Variants in GLI2 observed in about 807,000 individuals in gnomAD.
GLI2 encodes GLI family zinc finger 2.
GLI2 carries 22 observed loss-of-function variants against 78.9 expected under a neutral mutation model. That is an observed-to-expected ratio of 0.28 (90% CI 0.20 to 0.40). The LOEUF (loss-of-function observed/expected upper bound fraction) is 0.40, where lower values mean the gene tolerates loss of function less well. GLI2 is among the 10% of genes least tolerant of loss of function. The pLI is 1.00. For synonymous variants in GLI2, 974 were observed against 963.7 expected (o/e 1.01, Z -0.20); for missense variants, 2,097 against 2,213.2 (o/e 0.95, Z 1.05).
chr2:120,805,730 T>C (rs1235189654), intron 2 of GLI2, among the ~76,000 whole-genome samples: 1 of 152,246 alleles, frequency 6.6e-6, no homozygotes, highest in Non-Finnish European at 1.5e-5. Context: ...AAACCCCAAC[T>C]TCCCAAGTGA....
At chr2:120,956,945 C>A (rs1234063888) in intron 5 of GLI2, among the ~76,000 whole-genome samples, 1 of 152,200 alleles carries the variant, frequency 6.6e-6, no homozygotes, top group Admixed American at 6.5e-5. Flanking sequence ...TCCAGGAAGT[C>A]TCTCTGGAAG....
At chr2:120,744,107 G>A (rs964138056) in intron 1 of GLI2, among the ~76,000 whole-genome samples, 1 of 152,240 alleles carries the variant, frequency 6.6e-6, no homozygotes, top group Non-Finnish European at 1.5e-5. Flanking sequence ...CTGAAGATCA[G>A]TGAAGGAAGG....
intron 1 of GLI2, among the ~76,000 whole-genome samples, chr2:120,789,059 G>A (rs1374282224): frequency 7.1e-6 from 1 of 141,048 alleles, no homozygotes; most frequent in African/African-American, 2.8e-5. Context: ...TTGAGACGGA[G>A]TCTCACTCTG....
chr2:120,784,817 G>T (rs980641413), intron 1 of GLI2, among the ~76,000 whole-genome samples: 1 of 152,136 alleles, frequency 6.6e-6, no homozygotes, highest in Non-Finnish European at 1.5e-5. Flanking sequence ...TAGCAAGACT[G>T]GTAGCCCCCC....
chr2:120,962,526 C>A (rs2104991177), intron 5 of GLI2, among the ~76,000 whole-genome samples: 1 of 152,284 alleles, frequency 6.6e-6, no homozygotes, highest in African/African-American at 2.4e-5. Context: ...GTGGGTGAAG[C>A]AAGGTCCAGA....
At chr2:120,940,596 A>G (rs944788447) in intron 3 of GLI2, among the ~76,000 whole-genome samples, 2 of 152,158 alleles carry the variant, frequency 1.3e-5, no homozygotes, top group Non-Finnish European at 2.9e-5. Context: ...TTAGAAGGCT[A>G]TAGTCAGTGT....
At chr2:120,891,805 A>G (rs1161380396) in intron 2 of GLI2, among the ~76,000 whole-genome samples, 3 of 152,196 alleles carry the variant, frequency 2.0e-5, no homozygotes, top group African/African-American at 7.2e-5. Flanking sequence ...CCACTGAAAA[A>G]GCAGCAGAGA....
At chr2:120,912,274 G>GT (rs564285080) in intron 2 of GLI2, among the ~76,000 whole-genome samples, 14,328 of 136,846 alleles carry the variant, frequency 0.1, 1,037 homozygotes, top group African/African-American at 0.2. Context: ...TTTGCAAGAG[G>GT]TTTTTTTTTT....
At chr2:120,827,894 G>A (rs2104762035) in intron 2 of GLI2, among the ~76,000 whole-genome samples, 1 of 152,322 alleles carries the variant, frequency 6.6e-6, no homozygotes, top group South Asian at 2.1e-4. Context: ...GGAGTGAGGA[G>A]TTCATGTTGA....
chr2:120,772,469 A>C (rs772855262), intron 1 of GLI2, among the ~76,000 whole-genome samples: 2 of 152,194 alleles, frequency 1.3e-5, no homozygotes, highest in Non-Finnish European at 2.9e-5. Context: ...GCCAGGGAGC[A>C]CACCAGCATC....
chr2:120,966,474 C>T (rs1047005299), intron 5 of GLI2, among the ~76,000 whole-genome samples: 1 of 152,198 alleles, frequency 6.6e-6, no homozygotes, highest in Admixed American at 6.5e-5. Context: ...TGTCTACTCC[C>T]CTCTGTGGCC....
At chr2:120,929,092 C>T (rs747411594) in intron 3 of GLI2, among the ~76,000 whole-genome samples, 1 of 152,158 alleles carries the variant, frequency 6.6e-6, no homozygotes, top group South Asian at 2.1e-4. Context: ...TGGCCAGTTA[C>T]TATATAAGAT....
intron 2 of GLI2, among the ~76,000 whole-genome samples, chr2:120,806,890 T>A (rs1413398431): frequency 1.3e-5 from 2 of 152,134 alleles, no homozygotes; most frequent in African/African-American, 4.8e-5. Context: ...CATGGCCCTG[T>A]CCCCAAAAGC....
At chr2:120,856,935 T>A (rs1162799819) in intron 2 of GLI2, among the ~76,000 whole-genome samples, 1 of 152,038 alleles carries the variant, frequency 6.6e-6, no homozygotes, top group Non-Finnish European at 1.5e-5. Context: ...GCCCTCTGAT[T>A]TATATCAAGG....
chr2:120,817,262 G>C (rs573598831), intron 2 of GLI2, among the ~76,000 whole-genome samples: 3 of 152,146 alleles, frequency 2.0e-5, no homozygotes, highest in African/African-American at 7.2e-5. Flanking sequence ...TCAGCTTGGC[G>C]AAGTGGCCTC....
intron 2 of GLI2, among the ~76,000 whole-genome samples, chr2:120,923,456 T>C (rs1005551615): frequency 2.4e-4 from 36 of 151,622 alleles, no homozygotes; most frequent in Admixed American, 2.1e-3. Flanking sequence ...AACATGCACA[T>C]ACAACAACAC....
intron 2 of GLI2, among the ~76,000 whole-genome samples, chr2:120,862,183 C>T (rs939059866): frequency 2.0e-5 from 3 of 152,182 alleles, no homozygotes; most frequent in East Asian, 3.9e-4. Context: ...GGGAAATTAT[C>T]GCATAGAGGG....
intron 5 of GLI2, among the ~76,000 whole-genome samples, chr2:120,956,705 G>GGCAGGGAGACAGGAGCCT (rs2104970442): frequency 6.6e-6 from 1 of 152,174 alleles, no homozygotes; most frequent in African/African-American, 2.4e-5. Context: ...GATAGCCCAC[G>GGCAGGGAGACAGGAGCCT]GCAGGGAGAC....
intron 9 of GLI2, 41 bp downstream of exon 9, chr2:120,975,150 G>A (rs1252222841): frequency 6.2e-7 from 1 of 1,604,230 alleles, no homozygotes; most frequent in Non-Finnish European, 8.5e-7. Flanking sequence ...CCGGGGCACG[G>A]CCCAGGCCAT....
Sources: gnomAD v4.1 joint callset for allele counts (sites outside exome capture counted in the v4.1 genomes callset) on GRCh38, gnomAD v4.1.1 for gene constraint, MANE v1.5 for transcripts, NCBI Gene and HGNC (gene_info 2026-07-23, HGNC 2026-07-21) for gene names.